The following CD72 variants were observed in gnomAD, a reference collection of about 807,000 sequenced individuals.
CD72 encodes the protein B-cell differentiation antigen CD72.
A neutral mutation model predicts 50.7 loss-of-function variants in CD72; 28 were observed. The ratio of observed to expected loss-of-function variants is 0.55; its 90% CI spans 0.41 to 0.76. The LOEUF (loss-of-function observed/expected upper bound fraction) is 0.76. CD72 is among the 30% of genes least tolerant of loss of function. CD72 has a pLI of 0.00. For missense variants in CD72, 403 were observed against 420.6 expected (o/e 0.96, Z 0.37); for synonymous variants, 176 against 171.2 (o/e 1.03, Z -0.22).
chr9:35,613,041 G>GA, intron 5 of CD72, 48 bp from the exon 6 acceptor site: 1 of 1,514,068 alleles, frequency 6.6e-7, no homozygotes, highest in East Asian at 2.3e-5. Flanking sequence ...GGATGAAAGT[G>GA]ACTACTCAGC....
chr9:35,642,685 G>A (rs1219535518), intron 1 of CD72: 6 of 152,152 alleles, frequency 3.9e-5, no homozygotes, highest in Admixed American at 3.9e-4. Flanking sequence ...TCTGCTTCAG[G>A]TGTCCATCTT....
upstream of CD72, among the ~76,000 whole-genome samples, chr9:35,619,027 G>T (rs1409702841): frequency 6.6e-6 from 1 of 152,244 alleles, no homozygotes; most frequent in Non-Finnish European, 1.5e-5. Flanking sequence ...GTGAAGTCAA[G>T]GCAGAGGAGC....
rs1026517471 is a variant in CD72 at position 35,616,162 on chromosome 9, G to T, written c.469C>A (p.Leu157Met). The change falls in exon 5 of 9, where the codon CTG becomes ATG. Residue 157 changes from leucine to methionine, a missense_variant. Leu to Met is a conservative substitution (Grantham distance 15). Coordinates refer to ENST00000259633, the MANE Select transcript of CD72 (RefSeq NM_001782.3). Reference sequence around the variant, plus strand: ...GCCAGCTCTCTCCTGGACCCCTGCAGATCCTCTGCACTCTGTCCCAGCTGC... The same window carrying T: ...GCCAGCTCTCTCCTGGACCCCTGCATATCCTCTGCACTCTGTCCCAGCTGC... The part of the protein sequence containing the change: ...ITQLGQSAED[L>M]QGSRRELAQS... 2.5e-6 allele frequency: 4 copies of T among 1,614,034 alleles called. No homozygotes were observed. In the African/African-American group the frequency reaches 5.3e-5, roughly 22 times the overall value.
chr9:35,612,449 G>A (rs539249579), intron 6 of CD72, among the ~76,000 whole-genome samples: 2 of 152,288 alleles, frequency 1.3e-5, no homozygotes, highest in East Asian at 3.9e-4. Flanking sequence ...GCTGGGCGTG[G>A]TGGCATGTGA....
chr9:35,610,525 GC>G, intron 8 of CD72, 76 bp downstream of exon 8: 1 of 1,107,044 alleles, frequency 9.0e-7, no homozygotes, highest in South Asian at 1.8e-5. Flanking sequence ...GGGCCCCTGG[GC>G]CCCTGCTCTG....
chr9:35,625,523 GT>G (rs1013496234), intron 1 of CD72, among the ~76,000 whole-genome samples: 1 of 152,246 alleles, frequency 6.6e-6, no homozygotes, highest in African/African-American at 2.4e-5. Flanking sequence ...GCTGCAGCAA[GT>G]TATCCAGAAG....
At position 35,617,213 on chromosome 9, in the gene CD72, T is replaced by C; in HGVS notation, c.225A>G (p.Arg75=). The C allele has an allele frequency of 6.4e-7, 1 of 1,569,368 alleles. No homozygotes were observed. The highest frequency in any genetic ancestry group is 8.6e-7 in the Non-Finnish European group (1 of 1,156,804). ...GCCCGACAGCTGGTGACGTCACGGC[T>C]CTCCAGGACGCAGTTGGCTGCTCCG... ...VKSEQPTASW[R]AVTSPAVGRI... is the part of the protein sequence containing the mutation. The change falls in exon 3 of 9, where the codon AGA becomes AGG. Residue 75 remains arginine (R), a synonymous_variant. Transcript: ENST00000259633.
upstream of CD72, among the ~76,000 whole-genome samples, chr9:35,624,024 C>T (rs895345827): frequency 2.0e-5 from 3 of 151,750 alleles, no homozygotes; most frequent in Admixed American, 1.3e-4. Context: ...CCAGCCTGAC[C>T]AACACGATGA....
intron 1 of CD72, among the ~76,000 whole-genome samples, chr9:35,641,777 C>T (rs1045133096): frequency 6.6e-6 from 1 of 152,074 alleles, no homozygotes; most frequent in African/African-American, 2.4e-5. Context: ...ATTTCCCTTT[C>T]CTTTCCTTTG....
At chr9:35,642,795 A>G (rs1205197070) in intron 1 of CD72, 1 of 152,190 alleles carries the variant, frequency 6.6e-6, no homozygotes, top group Non-Finnish European at 1.5e-5. Context: ...GAAGCCTGTT[A>G]TGCCAAGGAA....
chr9:35,623,012 G>C (rs1243895152), upstream of CD72, among the ~76,000 whole-genome samples: 4 of 151,934 alleles, frequency 2.6e-5, no homozygotes, highest in African/African-American at 9.7e-5. Context: ...GAGGCTGAGT[G>C]GGGAGGATTG....
intron 1 of CD72, among the ~76,000 whole-genome samples, chr9:35,627,654 C>T (rs1823208315): frequency 6.6e-6 from 1 of 152,082 alleles, no homozygotes; most frequent in South Asian, 2.1e-4. Flanking sequence ...GAAGGTCTGG[C>T]TCACCCACTG....
At chr9:35,635,540 G>C (rs1177554247) in intron 1 of CD72, among the ~76,000 whole-genome samples, 2 of 152,164 alleles carry the variant, frequency 1.3e-5, no homozygotes, top group African/African-American at 4.8e-5. Context: ...TTTTGTGTTT[G>C]AGCTTCACAC....
At chr9:35,624,073 G>A (rs551647292), upstream of CD72, among the ~76,000 whole-genome samples, 315 of 151,020 alleles carry the variant, frequency 2.1e-3, 1 homozygote, top group Non-Finnish European at 2.3e-3. Context: ...TTAGCTGGGC[G>A]TGGTGGCACA....
intron 1 of CD72, among the ~76,000 whole-genome samples, chr9:35,627,458 C>CA (rs34311830): frequency 0.53 from 80,268 of 150,084 alleles, 21,915 homozygotes; most frequent in South Asian, 0.63. Context: ...CATTGGGAAA[C>CA]AAAAAAAAAA....
chr9:35,619,960 C>G (rs1245692765), upstream of CD72, among the ~76,000 whole-genome samples: 1 of 151,952 alleles, frequency 6.6e-6, no homozygotes, highest in South Asian at 2.1e-4. Flanking sequence ...ACAACCTAGA[C>G]CTTCCCCCAG....
At chr9:35,639,960 G>A (rs758012997) in intron 1 of CD72, among the ~76,000 whole-genome samples, 16 of 152,132 alleles carry the variant, frequency 1.1e-4, no homozygotes, top group Non-Finnish European at 1.6e-4. Flanking sequence ...TATTTTAAAC[G>A]TTAAATATTC....
intron 1 of CD72, chr9:35,643,404 C>T (rs1352544313): frequency 6.6e-6 from 1 of 152,234 alleles, no homozygotes; most frequent in Admixed American, 6.5e-5. Context: ...GATCTGAGAT[C>T]CAATAACAGT....
chr9:35,616,882 A>G, intron 3 of CD72, 193 bp from the exon 4 acceptor site: 2 of 1,118,830 alleles, frequency 1.8e-6, no homozygotes, highest in Non-Finnish European at 2.5e-6. Flanking sequence ...GGTGTTCCAG[A>G]ATCAGTGCTG....
Sources: allele counts gnomAD v4.1 joint callset (sites outside exome capture counted in the v4.1 genomes callset), GRCh38; gene constraint gnomAD v4.1.1; transcripts MANE v1.5; gene names NCBI Gene and HGNC (gene_info 2026-07-23, HGNC 2026-07-21).